The following CEP128 variants were observed in gnomAD, a reference collection of about 807,000 sequenced individuals.
The protein encoded by CEP128 is centrosomal protein 128kDa.
CEP128 carries 132 observed loss-of-function variants against 156.7 expected under a neutral mutation model. That is an observed-to-expected ratio of 0.84 (90% CI 0.73 to 0.97). The LOEUF (loss-of-function observed/expected upper bound fraction) is 0.97, where lower values mean the gene tolerates loss of function less well. Ranked by LOEUF, CEP128 falls within the 50% of genes least tolerant of loss-of-function variation. The pLI is 0.00. For missense variants in CEP128, 1,252 were observed against 1,281.9 expected (o/e 0.98, Z 0.36); for synonymous variants, 469 against 448.9 (o/e 1.04, Z -0.57).
intron 19 of CEP128, among the ~76,000 whole-genome samples, chr14:80,591,520 C>T (rs150883177): frequency 0.052 from 7,910 of 152,108 alleles, 657 homozygotes; most frequent in African/African-American, 0.18. Context: ...TTCTTAGAGA[C>T]CTACAAAGAG....
rs10146123 is a variant in CEP128, at chr14:80,860,164, G to T, written c.762+2593C>A. ...TCCTCTCCTTAAACATGACCTTTCC[G>T]GAACAGTTTAAGCCATTTAACATGG... On this transcript the variant is annotated intron_variant, in intron 9 of 24. Transcript: ENST00000555265. 3.4e-4 allele frequency among the ~76,000 whole-genome samples: 51 copies of T among 152,084 alleles called. 1 individual carries two copies. In the South Asian group the frequency reaches 6.8e-3, roughly 20 times the overall value.
At chr14:80,819,436 C>T (rs940053937) in intron 13 of CEP128, among the ~76,000 whole-genome samples, 1 of 151,658 alleles carries the variant, frequency 6.6e-6, no homozygotes, top group Non-Finnish European at 1.5e-5. Context: ...TTAGTAGAGA[C>T]GGGGTTTCAC....
chr14:80,926,302 T>C (rs1885141108), intron 2 of CEP128, among the ~76,000 whole-genome samples: 1 of 152,142 alleles, frequency 6.6e-6, no homozygotes, highest in Non-Finnish European at 1.5e-5. Flanking sequence ...CCCAGCTAGC[T>C]ACTGCTAGCA....
intron 2 of CEP128, among the ~76,000 whole-genome samples, chr14:80,923,220 G>C (rs1415142393): frequency 6.6e-6 from 1 of 152,184 alleles, no homozygotes; most frequent in Non-Finnish European, 1.5e-5. Flanking sequence ...AGCCACCAGA[G>C]CAAATAACAA....
intron 19 of CEP128, among the ~76,000 whole-genome samples, chr14:80,682,571 T>C (rs937186492): frequency 9.9e-5 from 15 of 152,118 alleles, no homozygotes; most frequent in African/African-American, 3.4e-4. Context: ...AGAGAAATAT[T>C]CACATACAGA....
At chr14:80,690,122 T>C (rs2139302461) in intron 19 of CEP128, among the ~76,000 whole-genome samples, 1 of 152,018 alleles carries the variant, frequency 6.6e-6, no homozygotes, top group Admixed American at 6.6e-5. Context: ...AGAAGACAGT[T>C]TGGGCAGGGC....
chr14:80,874,687 G>A (rs1245319646), intron 8 of CEP128, among the ~76,000 whole-genome samples: 11 of 152,126 alleles, frequency 7.2e-5, no homozygotes, highest in Non-Finnish European at 1.3e-4. Context: ...GCGCCATCTT[G>A]GCTCACTGCA....
intron 14 of CEP128, among the ~76,000 whole-genome samples, chr14:80,792,328 G>A (rs1901750308): frequency 6.6e-6 from 1 of 152,138 alleles, no homozygotes; most frequent in Admixed American, 6.5e-5. Context: ...AGTAACTACT[G>A]CATTTTTTAA....
intron 23 of CEP128, among the ~76,000 whole-genome samples, chr14:80,521,551 T>C (rs1038397133): frequency 6.6e-6 from 1 of 152,166 alleles, no homozygotes; most frequent in Non-Finnish European, 1.5e-5. Context: ...AGGATGAAAT[T>C]GACTAGTTAA....
chr14:80,695,641 C>CG (rs1245234250), intron 19 of CEP128, among the ~76,000 whole-genome samples: 1 of 149,836 alleles, frequency 6.7e-6, no homozygotes, highest in African/African-American at 2.5e-5. Context: ...CGCTTGAACC[C>CG]GGGAGGCAGA....
intron 19 of CEP128, among the ~76,000 whole-genome samples, chr14:80,677,508 C>CAAAAAAAAAAAAAAAAAAAAAAAAAA (rs57636757): frequency 1.1e-5 from 1 of 94,062 alleles, no homozygotes; most frequent in African/African-American, 3.6e-5. Flanking sequence ...GACTCCGTCT[C>CAAAAAAAAAAAAAAAAAAAAAAAAAA]AAAAAAAAAA....
chr14:80,852,982 C>A (rs1161798601), intron 9 of CEP128, among the ~76,000 whole-genome samples: 2 of 151,772 alleles, frequency 1.3e-5, no homozygotes, highest in Non-Finnish European at 3.0e-5. Flanking sequence ...AAGGAGGGCT[C>A]AACATCTATT....
intron 21 of CEP128, among the ~76,000 whole-genome samples, chr14:80,549,935 A>G (rs1266943701): frequency 6.6e-6 from 1 of 152,234 alleles, no homozygotes; most frequent in Non-Finnish European, 1.5e-5. Context: ...CTATGACATT[A>G]CTTAGTCTGT....
chr14:80,859,586 A>C (rs1239161300), intron 9 of CEP128, among the ~76,000 whole-genome samples: 1 of 151,988 alleles, frequency 6.6e-6, no homozygotes, highest in Non-Finnish European at 1.5e-5. Context: ...AAGAAAGAAA[A>C]TCTGGCATTC....
At chr14:80,798,675 C>T (rs1302316106) in intron 13 of CEP128, among the ~76,000 whole-genome samples, 1 of 152,192 alleles carries the variant, frequency 6.6e-6, no homozygotes, top group Non-Finnish European at 1.5e-5. Flanking sequence ...TACTTATCAT[C>T]CAAGTTCTCA....
At chr14:80,741,523 G>A (rs946515666) in intron 19 of CEP128, among the ~76,000 whole-genome samples, 2 of 152,048 alleles carry the variant, frequency 1.3e-5, no homozygotes, top group Non-Finnish European at 2.9e-5. Flanking sequence ...CCCCAAAAGT[G>A]TATGACAACA....
At chr14:80,857,367 TATG>T (rs1405417568) in intron 9 of CEP128, among the ~76,000 whole-genome samples, 59 of 152,114 alleles carry the variant, frequency 3.9e-4, no homozygotes, top group African/African-American at 1.4e-3. Context: ...GAGTTTATAG[TATG>T]ATAATTTACC....
chr14:80,534,669 C>CA (rs1889397550), intron 21 of CEP128, among the ~76,000 whole-genome samples: 3 of 151,838 alleles, frequency 2.0e-5, no homozygotes, highest in Non-Finnish European at 4.4e-5. Context: ...ACTAAAAATA[C>CA]AAAAAATTAG....
chr14:80,774,386 A>G (rs990271977), intron 16 of CEP128, among the ~76,000 whole-genome samples: 1 of 152,306 alleles, frequency 6.6e-6, no homozygotes, highest in South Asian at 2.1e-4. Flanking sequence ...CAAATTAGAA[A>G]GCGTCCACCC....
Sources: allele counts gnomAD v4.1 joint callset (sites outside exome capture counted in the v4.1 genomes callset), GRCh38; gene constraint gnomAD v4.1.1; transcripts MANE v1.5; gene names NCBI Gene and HGNC (gene_info 2026-07-23, HGNC 2026-07-21).